COL25A1: variants seen among roughly 807,000 people sequenced by gnomAD.
COL25A1 encodes collagen alpha-1(XXV) chain.
Under a neutral mutation model 128.4 loss-of-function variants are expected in COL25A1, and 103 were observed. The ratio of observed to expected loss-of-function variants is 0.80; its 90% CI spans 0.68 to 0.94. The LOEUF is 0.94. Ranked by LOEUF, COL25A1 falls within the 40% of genes least tolerant of loss-of-function variation. The probability of loss-of-function intolerance (pLI) is 0.00; values close to 1 mark genes in which losing one functional copy is unlikely to be tolerated. For synonymous variants in COL25A1, 279 were observed against 277.2 expected (o/e 1.01, Z -0.06); for missense variants, 745 against 840.0 (o/e 0.89, Z 1.40).
At chr4:109,200,036 T>C (rs1439624954) in intron 3 of COL25A1, among the ~76,000 whole-genome samples, 1 of 152,222 alleles carries the variant, frequency 6.6e-6, no homozygotes, top group Admixed American at 6.5e-5. Context: ...GACACACACC[T>C]TCTACATTAA....
chr4:109,200,248 T>C (rs974771021), intron 3 of COL25A1, among the ~76,000 whole-genome samples: 2 of 152,212 alleles, frequency 1.3e-5, no homozygotes, highest in African/African-American at 4.8e-5. Context: ...GACACTTCCT[T>C]CAGTCTTTCC....
At chr4:108,889,417 ATTTTTTTT>A (rs34358532) in intron 17 of COL25A1, among the ~76,000 whole-genome samples, 161 bp from the exon 18 acceptor site, 34 of 130,478 alleles carry the variant, frequency 2.6e-4, no homozygotes, top group African/African-American at 9.4e-4. Flanking sequence ...AGACATACGG[ATTTTTTTT>A]TTTTTTTTTT....
intron 3 of COL25A1, among the ~76,000 whole-genome samples, chr4:109,193,743 A>G (rs937530250): frequency 1.6e-4 from 24 of 152,126 alleles, no homozygotes; most frequent in African/African-American, 5.6e-4. Flanking sequence ...CTCCTGAGTA[A>G]CACAGATGAG....
chr4:108,889,309 A>G, intron 17 of COL25A1, 53 bp from the exon 18 acceptor site: 4 of 1,578,822 alleles, frequency 2.5e-6, no homozygotes, highest in Non-Finnish European at 3.5e-6. Context: ...AATTTTCTAA[A>G]ACACTTAGAC....
chr4:109,128,019 G>C (rs1417509623), intron 3 of COL25A1, among the ~76,000 whole-genome samples: 1 of 152,168 alleles, frequency 6.6e-6, no homozygotes, highest in African/African-American at 2.4e-5. Flanking sequence ...TGGAAATAAA[G>C]GAAAACCTTG....
rs1762321758 is a variant in COL25A1, at chr4:109,065,270, T to C, written c.368-15091A>G. Among the ~76,000 whole-genome samples the C allele has an allele frequency of 3.9e-5, 6 of 152,284 alleles. No individual in the cohort carries two copies. The South Asian group carries it at 1.2e-3, about 32-fold the overall frequency. On this transcript the variant is annotated intron_variant, in intron 3 of 37. Transcript: ENST00000399132. ...TTGATCTGGCTACACACTCCGTCTTTCTTGTGAGGGAGAGGGAGGACTGTT... is the reference window on the plus strand; with the variant it reads ...TTGATCTGGCTACACACTCCGTCTTCCTTGTGAGGGAGAGGGAGGACTGTT...
intron 8 of COL25A1, among the ~76,000 whole-genome samples, chr4:108,957,356 C>T (rs1264835524): frequency 6.6e-6 from 1 of 152,088 alleles, no homozygotes; most frequent in Non-Finnish European, 1.5e-5. Context: ...ACCACCACCA[C>T]CACCACATGG....
At chr4:109,168,162 TCCTTGGC>T (rs1773249951) in intron 3 of COL25A1, among the ~76,000 whole-genome samples, 1 of 152,164 alleles carries the variant, frequency 6.6e-6, no homozygotes, top group Admixed American at 6.5e-5. Context: ...CCGTGGCAAT[TCCTTGGC>T]TAGGATTGTT....
At chr4:109,124,851 A>G (rs1768442718) in intron 3 of COL25A1, among the ~76,000 whole-genome samples, 1 of 152,054 alleles carries the variant, frequency 6.6e-6, no homozygotes, top group Non-Finnish European at 1.5e-5. Flanking sequence ...ATAGCAAGAT[A>G]TAAAAATATA....
intron 5 of COL25A1, among the ~76,000 whole-genome samples, chr4:109,026,732 G>A (rs571129198): frequency 1.3e-5 from 2 of 152,306 alleles, no homozygotes; most frequent in East Asian, 3.9e-4. Flanking sequence ...GCTTGTTTTT[G>A]TGGTAAGATG....
intron 3 of COL25A1, among the ~76,000 whole-genome samples, chr4:109,297,998 C>T (rs1725154649): frequency 6.8e-6 from 1 of 147,348 alleles, no homozygotes; most frequent in African/African-American, 2.5e-5. Flanking sequence ...AGGTCCAAAA[C>T]CTATACTTAT....
chr4:108,814,749 T>C (rs2044994), intron 37 of COL25A1, among the ~76,000 whole-genome samples: 151,820 of 152,290 alleles, frequency 1, 75,676 homozygotes, highest in Non-Finnish European at 1. Flanking sequence ...GTTTATTAGG[T>C]TGTAGGGCAC....
chr4:109,116,324 T>C (rs935037743), intron 3 of COL25A1, among the ~76,000 whole-genome samples: 3 of 152,052 alleles, frequency 2.0e-5, no homozygotes, highest in African/African-American at 7.2e-5. Flanking sequence ...AAGGCCTCCA[T>C]CAGGAGAATC....
intron 6 of COL25A1, among the ~76,000 whole-genome samples, chr4:108,997,694 T>C (rs10002294): frequency 0.78 from 118,620 of 152,150 alleles, 47,636 homozygotes; most frequent in East Asian, 0.93. Context: ...TAGGCCAATA[T>C]ACCTGATGAA....
At chr4:109,117,568 A>T (rs1176253578) in intron 3 of COL25A1, among the ~76,000 whole-genome samples, 1 of 152,014 alleles carries the variant, frequency 6.6e-6, no homozygotes, top group Non-Finnish European at 1.5e-5. Flanking sequence ...ACCAAAGTGC[A>T]TCAGGGAATG....
rs778960064 is a variant in COL25A1, at chr4:108,827,138, C to T, written c.1761G>A (p.Leu587=). The change falls in exon 33 of 38, where the codon CTG becomes CTA. Residue 587 remains leucine, a synonymous_variant. Coordinates refer to ENST00000399132, the MANE Select transcript of COL25A1 (RefSeq NM_198721.4). ...GTGCATGTGACCAGGAACTCACAGGCAGCCCATAGGGCCCTCTTGGTCCAG... is the reference window on the plus strand; with the variant it reads ...GTGCATGTGACCAGGAACTCACAGGTAGCCCATAGGGCCCTCTTGGTCCAG... ...GEPGPRGPYG[L]PGKDGEPGLD... The T allele has an allele frequency of 1.2e-6, 2 of 1,613,702 alleles. No individual in the cohort carries two copies. Among genetic ancestry groups the T allele is most frequent in the Non-Finnish European group, 1.7e-6 (2 of 1,179,776 alleles).
intron 3 of COL25A1, among the ~76,000 whole-genome samples, chr4:109,280,322 G>A (rs756185224): frequency 6.6e-6 from 1 of 152,170 alleles, no homozygotes; most frequent in East Asian, 1.9e-4. Flanking sequence ...AGCAAAAGAT[G>A]AGACAGCGTC....
intron 35 of COL25A1, among the ~76,000 whole-genome samples, chr4:108,820,271 T>C (rs889147163): frequency 5.3e-5 from 8 of 152,180 alleles, no homozygotes; most frequent in Admixed American, 5.2e-4. Flanking sequence ...AGGGAAATAA[T>C]GGATACTTCA....
rs1003999936 is a variant in COL25A1 at position 109,267,952 on chromosome 4, C to T, written c.367+32631G>A. Among the ~76,000 whole-genome samples, 7 of 152,094 alleles carry T rather than the reference C, an allele frequency of 4.6e-5. No homozygotes were observed. In the East Asian group the frequency reaches 1.4e-3, roughly 29 times the overall value. ...TTCCTTAGTCATGACATACATCAGT[C>T]AAGATCGCTTCATTATTACAAAAAA... On this transcript the variant is annotated intron_variant, in intron 3 of 37. Coordinates refer to ENST00000399132, the MANE Select transcript of COL25A1 (RefSeq NM_198721.4).
Sources: allele counts gnomAD v4.1 joint callset (sites outside exome capture counted in the v4.1 genomes callset), GRCh38; gene constraint gnomAD v4.1.1; transcripts MANE v1.5; gene names NCBI Gene and HGNC (gene_info 2026-07-23, HGNC 2026-07-21).